The following MGMT variants were observed in gnomAD, a reference collection of about 807,000 sequenced individuals.
MGMT encodes the protein O-6-methylguanine-DNA methyltransferase, also known as methylated-DNA--protein-cysteine methyltransferase.
In MGMT, 14 loss-of-function variants were observed where a neutral mutation model predicts 15.9. The observed-to-expected ratio is 0.88, with a 90% CI of 0.58 to 1.37. MGMT has a LOEUF of 1.37. Ranked by LOEUF, MGMT falls within the 40% of genes most tolerant of loss-of-function variation. The pLI, the probability that MGMT is intolerant of heterozygous loss-of-function variation, is 0.00. For missense variants in MGMT, 282 were observed against 268.1 expected, an observed-to-expected ratio of 1.05 and a Z score of -0.36; for synonymous variants, 130 against 118.2, an observed-to-expected ratio of 1.10 and a Z score of -0.65.
chr10:129,744,693 T>C (rs1848674012), intron 3 of MGMT, among the ~76,000 whole-genome samples: 1 of 152,094 alleles, frequency 6.6e-6, no homozygotes, highest in African/African-American at 2.4e-5. Flanking sequence ...CTCCTCCCGC[T>C]CACTCTCAGT....
chr10:129,624,794 A>G (rs1847128089), intron 2 of MGMT, among the ~76,000 whole-genome samples: 1 of 152,240 alleles, frequency 6.6e-6, no homozygotes, highest in Non-Finnish European at 1.5e-5. Context: ...GTGCAACCAT[A>G]GACTAAGGCG....
chr10:129,600,183 C>T (rs1433240937), intron 2 of MGMT, among the ~76,000 whole-genome samples: 3 of 152,256 alleles, frequency 2.0e-5, no homozygotes, highest in Non-Finnish European at 2.9e-5. Context: ...CTTCTCTGAG[C>T]GACCCATCTC....
chr10:129,580,950 G>T (rs182218731), intron 2 of MGMT, among the ~76,000 whole-genome samples: 3 of 152,338 alleles, frequency 2.0e-5, no homozygotes, highest in South Asian at 4.1e-4. Context: ...AGATCCAGCC[G>T]CTGTCTGGTC....
chr10:129,571,351 A>T (rs1023719533), intron 2 of MGMT, among the ~76,000 whole-genome samples: 1 of 152,222 alleles, frequency 6.6e-6, no homozygotes, highest in Non-Finnish European at 1.5e-5. Context: ...GAAATATATG[A>T]ATTCATTATA....
chr10:129,648,924 A>G (rs1484967190), intron 2 of MGMT, among the ~76,000 whole-genome samples: 4 of 152,228 alleles, frequency 2.6e-5, no homozygotes. Flanking sequence ...TGCTAAGACC[A>G]GTTAAAAGCA....
At chr10:129,564,857 G>A (rs1420001721) in intron 2 of MGMT, among the ~76,000 whole-genome samples, 1 of 151,968 alleles carries the variant, frequency 6.6e-6, no homozygotes, top group East Asian at 2.0e-4. Context: ...CAGTTCCCGG[G>A]GCAGCCACTG....
chr10:129,752,673 T>G (rs1273755105), intron 3 of MGMT, among the ~76,000 whole-genome samples: 1 of 152,108 alleles, frequency 6.6e-6, no homozygotes, highest in Middle Eastern at 3.2e-3. Flanking sequence ...ACAGTCTAAT[T>G]AGAATCACTG....
chr10:129,707,344 A>G (rs1486247951), intron 2 of MGMT, among the ~76,000 whole-genome samples: 2 of 151,994 alleles, frequency 1.3e-5, no homozygotes, highest in Non-Finnish European at 2.9e-5. Context: ...CACGAGGCAC[A>G]GGGCTGCCCC....
At chr10:129,624,274 C>G (rs1468313723) in intron 2 of MGMT, among the ~76,000 whole-genome samples, 2 of 152,204 alleles carry the variant, frequency 1.3e-5, no homozygotes, top group Non-Finnish European at 2.9e-5. Flanking sequence ...GATGGTCCTG[C>G]TCCCCCGGGG....
At chr10:129,640,030 G>A (rs1372954531) in intron 2 of MGMT, among the ~76,000 whole-genome samples, 1 of 145,798 alleles carries the variant, frequency 6.9e-6, no homozygotes, top group Non-Finnish European at 1.5e-5. Flanking sequence ...TACTGACACT[G>A]AAAAAAAAAG....
chr10:129,597,913 G>A (rs1358244429), intron 2 of MGMT, among the ~76,000 whole-genome samples: 1 of 152,174 alleles, frequency 6.6e-6, no homozygotes, highest in Non-Finnish European at 1.5e-5. Flanking sequence ...TTTTAGGGAG[G>A]TTGTGGCATT....
chr10:129,593,464 C>T (rs576271584), intron 2 of MGMT, among the ~76,000 whole-genome samples: 42 of 152,302 alleles, frequency 2.8e-4, no homozygotes, highest in African/African-American at 9.6e-4. Context: ...CCCGTGTTGC[C>T]GACGAATCTG....
At chr10:129,531,415 A>G (rs958331781) in intron 1 of MGMT, among the ~76,000 whole-genome samples, 1 of 151,772 alleles carries the variant, frequency 6.6e-6, no homozygotes, top group East Asian at 2.0e-4. Context: ...ATTGAAACTC[A>G]CTTTTCTCAC....
chr10:129,589,444 A>T (rs2133052823), intron 2 of MGMT, among the ~76,000 whole-genome samples: 1 of 152,348 alleles, frequency 6.6e-6, no homozygotes, highest in Non-Finnish European at 1.5e-5. Context: ...ACTCAGGTCG[A>T]ATTTGGATTC....
chr10:129,686,908 T>C (rs2133124440), intron 2 of MGMT, among the ~76,000 whole-genome samples: 1 of 151,870 alleles, frequency 6.6e-6, no homozygotes. Flanking sequence ...GGCGTGGGGG[T>C]TCTTCTCAGG....
intron 2 of MGMT, among the ~76,000 whole-genome samples, chr10:129,678,703 G>C (rs1847813615): frequency 6.6e-6 from 1 of 152,134 alleles, no homozygotes; most frequent in Admixed American, 6.5e-5. Context: ...ATGTTTTAAT[G>C]ACACAGGATC....
rs559384451 is a variant in MGMT at position 129,577,076 on chromosome 10, G to A, written c.125+40699G>A. 7.2e-5 allele frequency among the ~76,000 whole-genome samples: 11 copies of A among 152,210 alleles called. No individual in the cohort carries two copies. The South Asian group carries it at 2.3e-3, about 32-fold the overall frequency. On this transcript the variant is annotated intron_variant, in intron 2 of 4. Transcript: ENST00000651593. Reference sequence around the variant, plus strand: ...GAAGAACATTCCATGCTCATGGGTAGGAAGAATCAATATTGTGAAAATGGC... The same window carrying A: ...GAAGAACATTCCATGCTCATGGGTAAGAAGAATCAATATTGTGAAAATGGC...
intron 2 of MGMT, among the ~76,000 whole-genome samples, chr10:129,603,629 G>C (rs1038724336): frequency 3.3e-5 from 5 of 152,164 alleles, no homozygotes; most frequent in African/African-American, 1.2e-4. Context: ...ATCTATTATA[G>C]AGCAGAAATA....
In MGMT at chr10:129,707,937, G is replaced by C; in HGVS notation, c.168G>C (p.Pro56=). Residue 56 remains proline (P), a synonymous_variant, in exon 3 of 5, where the codon CCG becomes CCC. Coordinates refer to ENST00000651593, the MANE Select transcript of MGMT (RefSeq NM_002412.5). Reference sequence around the variant, plus strand: ...CCCCCGCTGCGGTTCTCGGAGGTCCGGAGCCCCTGATGCAGTGCACAGCCT... The same window carrying C: ...CCCCCGCTGCGGTTCTCGGAGGTCCCGAGCCCCTGATGCAGTGCACAGCCT... The part of the protein sequence containing the change: ...VPAPAAVLGG[P]EPLMQCTAWL... 1.9e-6 allele frequency: 3 copies of C among 1,612,564 alleles called. No individual in the cohort carries two copies. The highest frequency in any genetic ancestry group is 2.5e-6 in the Non-Finnish European group (3 of 1,179,990).
Sources: allele counts gnomAD v4.1 joint callset (sites outside exome capture counted in the v4.1 genomes callset), GRCh38; gene constraint gnomAD v4.1.1; transcripts MANE v1.5; gene names NCBI Gene and HGNC (gene_info 2026-07-23, HGNC 2026-07-21).